Variants in PIEZO1 observed in about 807,000 individuals in gnomAD.
The protein encoded by PIEZO1 is piezo-type mechanosensitive ion channel component 1.
In PIEZO1, 296 loss-of-function variants were observed where a neutral mutation model predicts 297.2. The ratio of observed to expected loss-of-function variants is 1.00; its 90% CI spans 0.91 to 1.10. The LOEUF is 1.10. Among genes scored for constraint, PIEZO1 ranks in the 50% least tolerant of loss-of-function variants. PIEZO1 has a pLI of 0.00. For missense variants in PIEZO1, 5,018 were observed against 3,455.5 expected (o/e 1.45, Z -11.34); for synonymous variants, 2,427 against 1,507.5 (o/e 1.61, Z -14.13).
intron 44 of PIEZO1, chr16:88,717,667 T>C: frequency 2.3e-6 from 1 of 443,116 alleles, no homozygotes; most frequent in Non-Finnish European, 4.5e-6. Flanking sequence ...AAATAAATAC[T>C]TTGTGCTTCC....
In PIEZO1 at chr16:88,716,131, G is replaced by A. The variant is rs1234429385; in HGVS notation, c.7130-12C>T. The A allele has an allele frequency of 1.3e-6, 2 of 1,537,222 alleles. No homozygotes were observed. The highest frequency in any genetic ancestry group is 1.4e-5 in the African/African-American group (1 of 72,834). On this transcript the variant is annotated splice_polypyrimidine_tract_variant and intron_variant, in intron 49 of 50. Coordinates refer to ENST00000301015, the MANE Select transcript of PIEZO1 (RefSeq NM_001142864.4). ...GTCGGCCTCCTCATCTGGGATGGAG[G>A]GAGAAGATCGTTGAGGCCGCAGGTC...
intron 1 of PIEZO1, among the ~76,000 whole-genome samples, chr16:88,780,669 TCTAA>T (rs1478894177): frequency 1.3e-5 from 2 of 152,170 alleles, no homozygotes; most frequent in African/African-American, 2.4e-5. Context: ...GAAGCAAAAG[TCTAA>T]CTGTCAGCCG....
intron 1 of PIEZO1, among the ~76,000 whole-genome samples, chr16:88,775,977 C>A (rs1043096099): frequency 6.6e-6 from 1 of 152,126 alleles, no homozygotes; most frequent in African/African-American, 2.4e-5. Flanking sequence ...GAGGCGCCAA[C>A]CAGAGCCGGA....
At chr16:88,727,243 G>A (rs761847528) in intron 23 of PIEZO1, 51 bp from the exon 24 acceptor site, 93 of 1,476,734 alleles carry the variant, frequency 6.3e-5, no homozygotes, top group South Asian at 3.0e-4. Flanking sequence ...CACACGAGGT[G>A]GGCACGGCGC....
At chr16:88,775,149 C>T (rs1026800969) in intron 1 of PIEZO1, among the ~76,000 whole-genome samples, 1 of 152,196 alleles carries the variant, frequency 6.6e-6, no homozygotes, top group African/African-American at 2.4e-5. Flanking sequence ...GCAGAGGGGC[C>T]GTCCCTGACC....
chr16:88,764,937 GC>G (rs1194057777), intron 1 of PIEZO1, among the ~76,000 whole-genome samples: 3 of 152,242 alleles, frequency 2.0e-5, no homozygotes, highest in Non-Finnish European at 4.4e-5. Flanking sequence ...TTCCTAAGAA[GC>G]CTGGCCATTG....
intron 1 of PIEZO1, among the ~76,000 whole-genome samples, chr16:88,749,980 A>G (rs1009119396): frequency 9.9e-5 from 15 of 151,722 alleles, no homozygotes; most frequent in African/African-American, 3.4e-4. Context: ...CTGAGATGGC[A>G]CCACTGCACT....
In PIEZO1 at chr16:88,716,965, C is replaced by T. The variant is rs77442987; in HGVS notation, c.6660+58G>A. On this transcript the variant is annotated intron_variant, in intron 45 of 50. Transcript: ENST00000301015. Reference sequence around the variant, plus strand: ...GGAGGAGCGGCTGGGGGTGGTGCACCACCTTGGCCAGAACCCCCAGGGGAT... The same window carrying T: ...GGAGGAGCGGCTGGGGGTGGTGCACTACCTTGGCCAGAACCCCCAGGGGAT... 0.02 allele frequency: 30,955 copies of T among 1,545,212 alleles called. 723 individuals are homozygous for T. The highest frequency in any genetic ancestry group is 0.079 in the South Asian group (6,624 of 83,992).
intron 2 of PIEZO1, among the ~76,000 whole-genome samples, chr16:88,748,796 G>C (rs1906206061): frequency 6.6e-6 from 1 of 152,054 alleles, no homozygotes; most frequent in South Asian, 2.1e-4. Context: ...GGCTGGGCGT[G>C]GTGGCTCACA....
At chr16:88,735,393 G>T in intron 12 of PIEZO1, 147 bp from the exon 13 acceptor site, 1 of 647,564 alleles carries the variant, frequency 1.5e-6, no homozygotes. Context: ...CACAGGCACC[G>T]AACACCCTCT....
At chr16:88,734,181 A>G (rs924774697) in intron 16 of PIEZO1, 127 bp from the exon 17 acceptor site, 2 of 1,264,690 alleles carry the variant, frequency 1.6e-6, no homozygotes, top group East Asian at 2.6e-5. Context: ...CTGTGTCGCA[A>G]CTCATGCCCA....
chr16:88,765,229 C>G (rs959777338), intron 1 of PIEZO1, among the ~76,000 whole-genome samples: 90 of 152,228 alleles, frequency 5.9e-4, no homozygotes, highest in Non-Finnish European at 9.6e-4. Flanking sequence ...GGCCACCTCC[C>G]TCGCAGGCAG....
intron 1 of PIEZO1, among the ~76,000 whole-genome samples, chr16:88,765,807 G>A (rs1005372300): frequency 1.1e-4 from 16 of 151,850 alleles, no homozygotes; most frequent in African/African-American, 3.9e-4. Flanking sequence ...CCGAGTAGCT[G>A]GGACTACAGA....
intron 1 of PIEZO1, among the ~76,000 whole-genome samples, chr16:88,782,657 C>T (rs1392818164): frequency 2.0e-5 from 3 of 152,220 alleles, no homozygotes; most frequent in East Asian, 1.9e-4. Flanking sequence ...CTTCTGAAGG[C>T]CTCATTCATT....
chr16:88,720,331 T>C, intron 41 of PIEZO1, 48 bp from the exon 42 acceptor site: 1 of 1,549,904 alleles, frequency 6.5e-7, no homozygotes, highest in Non-Finnish European at 8.7e-7. Flanking sequence ...CCAGGGGATG[T>C]GGGTGGCTGC....
At position 88,734,458 on chromosome 16, in the gene PIEZO1, G is replaced by A. The variant is rs1409100795; in HGVS notation, c.2078C>T (p.Ala693Val). The change falls in exon 16 of 51, where the codon GCC (alanine) becomes GTC (valine). Residue 693 changes from alanine (A) to valine (V), a missense_variant. Ala to Val is a moderately conservative substitution (Grantham distance 64). Coordinates refer to ENST00000301015, the MANE Select transcript of PIEZO1 (RefSeq NM_001142864.4). ...GAAGTAGTGCAGCTGCAGGATGCAG[G>A]CCAGGAGGAAGAAGCCGGGCACCAG... ...SILVPGFFLLACILQLHYFHR... is the reference protein window; with the variant it reads ...SILVPGFFLLVCILQLHYFHR... 5 of 1,549,858 alleles carry A rather than the reference G, an allele frequency of 3.2e-6. No homozygotes were observed. Among genetic ancestry groups the A allele is most frequent in the South Asian group, 1.2e-5 (1 of 84,056 alleles).
intron 2 of PIEZO1, among the ~76,000 whole-genome samples, chr16:88,744,850 G>A (rs1905937624): frequency 6.6e-6 from 1 of 151,822 alleles, no homozygotes; most frequent in African/African-American, 2.4e-5. Context: ...GAGTCCGAGG[G>A]GCACCCCGGG....
rs368459635 is a variant in PIEZO1 at position 88,735,090 on chromosome 16, G to A, written c.1670-37C>T. ...GCCAGGGGCAGGCGATGGCATCAGGGCGGGCAGGCAGGAGGGCAACCCCCG... is the reference window on the plus strand; with the variant it reads ...GCCAGGGGCAGGCGATGGCATCAGGACGGGCAGGCAGGAGGGCAACCCCCG... On this transcript the variant is annotated intron_variant, in intron 13 of 50. Coordinates refer to ENST00000301015, the MANE Select transcript of PIEZO1 (RefSeq NM_001142864.4). 3.6e-5 allele frequency: 55 copies of A among 1,539,310 alleles called. No individual in the cohort carries two copies. In the African/African-American group the frequency reaches 6.7e-4, roughly 19 times the overall value.
chr16:88,782,711 AGGGAGG>A (rs1177802383), intron 1 of PIEZO1, among the ~76,000 whole-genome samples: 1 of 152,216 alleles, frequency 6.6e-6, no homozygotes, highest in Non-Finnish European at 1.5e-5. Flanking sequence ...CTCGCCAGAG[AGGGAGG>A]GGGCACTCCA....
Sources: gnomAD v4.1 joint callset for allele counts (sites outside exome capture counted in the v4.1 genomes callset) on GRCh38, gnomAD v4.1.1 for gene constraint, MANE v1.5 for transcripts, NCBI Gene and HGNC (gene_info 2026-07-23, HGNC 2026-07-21) for gene names.